The following GLB1 variants were observed in gnomAD, a reference collection of about 807,000 sequenced individuals.
The protein encoded by GLB1 is beta-galactosidase.
In GLB1, 56 loss-of-function variants were observed where a neutral mutation model predicts 74.0. That is an observed-to-expected ratio of 0.76 (90% confidence interval 0.61 to 0.94). The LOEUF (loss-of-function observed/expected upper bound fraction) is 0.94. Among genes scored for constraint, GLB1 ranks in the 40% least tolerant of loss-of-function variants. The pLI is 0.00. For synonymous variants in GLB1, 323 were observed against 323.6 expected (o/e 1.00, Z 0.02); for missense variants, 787 against 845.5 (o/e 0.93, Z 0.86).
Position 33,058,173 on chromosome 3 carries a change from G to T in GLB1, c.649C>A (p.Leu217Met). 6.2e-7 allele frequency: 1 copy of T among 1,614,134 alleles called. No individual in the cohort carries two copies. Among genetic ancestry groups the T allele is most frequent in the Non-Finnish European group, 8.5e-7 (1 of 1,180,014 alleles). The part of the protein sequence containing the change: ...FRHHLGDDVV[L>M]FTTDGAHKTF... ...TTATGTGCTCCATCAGTGGTAAACA[G>T]AACCACATCATCCCCCAGATGGTGG... The change falls in exon 6 of 16, where the codon CTG (leucine) becomes ATG (methionine). Residue 217 changes from leucine to methionine, a missense_variant. By Grantham distance (15) the Leu-to-Met change is conservative (BLOSUM62 2). Coordinates refer to ENST00000307363, the MANE Select transcript of GLB1 (RefSeq NM_000404.4).
chr3:33,080,369 G>T (rs770515319), intron 1 of GLB1, among the ~76,000 whole-genome samples: 1 of 151,570 alleles, frequency 6.6e-6, no homozygotes, highest in African/African-American at 2.4e-5. Context: ...GTGAGCCACC[G>T]CGCCTGGTCT....
the GLB1 span, among the ~76,000 whole-genome samples, chr3:32,965,223 T>C: frequency 6.6e-6 from 1 of 151,886 alleles, no homozygotes; most frequent in Non-Finnish European, 1.5e-5. Flanking sequence ...GTTGGAACAG[T>C]TTGGAGGGCT....
chr3:33,055,547 G>A (rs1448542225), intron 6 of GLB1, among the ~76,000 whole-genome samples: 2 of 148,784 alleles, frequency 1.3e-5, no homozygotes, highest in South Asian at 2.1e-4. Flanking sequence ...TGCAACCTCT[G>A]GCTCCCGGGT....
intron 1 of GLB1, among the ~76,000 whole-genome samples, chr3:33,085,514 A>C (rs980291222): frequency 5.9e-5 from 9 of 152,072 alleles, no homozygotes; most frequent in Non-Finnish European, 1.3e-4. Context: ...AAAGTATTGC[A>C]TTTCCTAGCA....
At chr3:32,978,108 AGTAGAG>A in the GLB1 span, among the ~76,000 whole-genome samples, 1 of 152,152 alleles carries the variant, frequency 6.6e-6, no homozygotes, top group East Asian at 1.9e-4. Flanking sequence ...CTGATGGGAG[AGTAGAG>A]GTAAAGTATG....
intron 10 of GLB1, chr3:33,045,257 T>TTTTTTA (rs1698692945): frequency 1.3e-6 from 1 of 745,740 alleles, no homozygotes. Flanking sequence ...TTTTTTTTTT[T>TTTTTTA]AGGTAAATAA....
intron 4 of GLB1, 70 bp from the exon 5 acceptor site, chr3:33,065,627 G>T: frequency 2.0e-6 from 3 of 1,512,448 alleles, no homozygotes; most frequent in Non-Finnish European, 2.7e-6. Flanking sequence ...AGCCCAGGAT[G>T]GCTTTGAATG....
At chr3:32,976,439 G>A in the GLB1 span, among the ~76,000 whole-genome samples, 21 of 152,278 alleles carry the variant, frequency 1.4e-4, no homozygotes, top group African/African-American at 3.4e-4. Flanking sequence ...ACTGTGTTGC[G>A]TCTGCCCTTG....
At chr3:33,096,383 C>T in intron 1 of GLB1, 2 of 982,076 alleles carry the variant, frequency 2.0e-6, no homozygotes, top group Non-Finnish European at 2.4e-6. Context: ...TGGCATCCCC[C>T]GGCAGCCTGC....
the GLB1 span, among the ~76,000 whole-genome samples, chr3:32,979,067 C>A: frequency 6.6e-6 from 1 of 151,508 alleles, no homozygotes; most frequent in African/African-American, 2.4e-5. Flanking sequence ...ACCACCGCCT[C>A]CTGGGTTCAA....
rs367832132 is a variant in GLB1 at position 33,093,419 on chromosome 3, G to T, written c.75+3592C>A. ...GTGAATGAAGCTGGCCCAGAGGAGC[G>T]ACAGCCGTCCGCAGGACCGAGGCTT... On this transcript the variant is annotated intron_variant, in intron 1 of 15. Coordinates refer to ENST00000307363, the MANE Select transcript of GLB1 (RefSeq NM_000404.4). This position sits in a 1 kb window ranked among gnomAD's most constrained non-coding sequence, Gnocchi z 6.0. 6.2e-7 allele frequency: 1 copy of T among 1,613,964 alleles called. No individual in the cohort carries two copies. Among genetic ancestry groups the T allele is most frequent in the African/African-American group, 1.3e-5 (1 of 74,884 alleles).
chr3:32,967,950 C>G, the GLB1 span, among the ~76,000 whole-genome samples: 6 of 152,260 alleles, frequency 3.9e-5, no homozygotes, highest in South Asian at 2.1e-4. Flanking sequence ...CCCATAAGGA[C>G]AAAGGGGAGC....
chr3:33,015,847 G>A (rs1697217760), intron 14 of GLB1, among the ~76,000 whole-genome samples: 1 of 152,214 alleles, frequency 6.6e-6, no homozygotes. Flanking sequence ...AGCCTGGGTG[G>A]TGCCATTGTT....
chr3:33,039,154 G>A (rs372285807), intron 10 of GLB1, among the ~76,000 whole-genome samples: 2 of 152,098 alleles, frequency 1.3e-5, no homozygotes, highest in East Asian at 3.9e-4. Flanking sequence ...GCCAGGTGTG[G>A]TGGTGCACAG....
chr3:33,020,681 A>G (rs1220266937), intron 12 of GLB1, among the ~76,000 whole-genome samples: 1 of 152,240 alleles, frequency 6.6e-6, no homozygotes, highest in East Asian at 1.9e-4. Flanking sequence ...GATTGAGAAA[A>G]GATTAAGCTG....
At chr3:33,008,793 G>C (rs1216273581) in intron 15 of GLB1, among the ~76,000 whole-genome samples, 2 of 152,270 alleles carry the variant, frequency 1.3e-5, no homozygotes, top group Middle Eastern at 3.4e-3. Flanking sequence ...GGCCAAAGGG[G>C]CAAGGGGGCA....
At chr3:33,046,778 A>G (rs62250473) in intron 9 of GLB1, among the ~76,000 whole-genome samples, 18,605 of 152,132 alleles carry the variant, frequency 0.12, 1,276 homozygotes, top group Admixed American at 0.17. Flanking sequence ...AGGTTCAAAC[A>G]TAATCCGAGG....
At chr3:33,061,400 A>AAAACAAAC (rs545287219) in intron 5 of GLB1, among the ~76,000 whole-genome samples, 3 of 152,056 alleles carry the variant, frequency 2.0e-5, no homozygotes, top group African/African-American at 4.8e-5. Flanking sequence ...GGTGACAGAG[A>AAAACAAAC]AAACAAACAA....
At chr3:33,062,656 C>G (rs1699488964) in intron 5 of GLB1, among the ~76,000 whole-genome samples, 1 of 152,098 alleles carries the variant, frequency 6.6e-6, no homozygotes, top group Non-Finnish European at 1.5e-5. Flanking sequence ...GGCGTGGTTG[C>G]CCGCACCTGT....
Sources: gnomAD v4.1 joint callset for allele counts (sites outside exome capture counted in the v4.1 genomes callset) on GRCh38, gnomAD v4.1.1 for gene constraint, Gnocchi (gnomAD v3.1) non-coding constraint, MANE v1.5 for transcripts, NCBI Gene and HGNC (gene_info 2026-07-23, HGNC 2026-07-21) for gene names.